The following WSCD2 variants were observed in gnomAD, a reference collection of about 807,000 sequenced individuals.
WSCD2 encodes WSC domain sialate O sulfotransferase 2.
Under a neutral mutation model 55.7 loss-of-function variants are expected in WSCD2, and 28 were observed. That is an observed-to-expected ratio of 0.50 (90% CI 0.37 to 0.69). The LOEUF is 0.69. Among genes scored for constraint, WSCD2 ranks in the 30% least tolerant of loss-of-function variants. The pLI, the probability that WSCD2 is intolerant of heterozygous loss-of-function variation, is 0.00. For synonymous variants in WSCD2, 301 were observed against 301.9 expected, an observed-to-expected ratio of 1.00 and a Z score of 0.03; for missense variants, 616 against 762.1, an observed-to-expected ratio of 0.81 and a Z score of 2.26.
intron 4 of WSCD2, among the ~76,000 whole-genome samples, chr12:108,223,630 T>C (rs1160335321): frequency 6.6e-6 from 1 of 152,224 alleles, no homozygotes; most frequent in South Asian, 2.1e-4. Flanking sequence ...CTGGATGCTA[T>C]AGGCACCCAC....
chr12:108,134,865 C>G (rs1210676779), intron 1 of WSCD2, among the ~76,000 whole-genome samples: 2 of 152,168 alleles, frequency 1.3e-5, no homozygotes, highest in Non-Finnish European at 2.9e-5. Flanking sequence ...AGATGAATGA[C>G]TTGCCCAGGT....
At chr12:108,186,429 C>G (rs1055426821) in intron 1 of WSCD2, among the ~76,000 whole-genome samples, 1 of 152,124 alleles carries the variant, frequency 6.6e-6, no homozygotes, top group Non-Finnish European at 1.5e-5. Flanking sequence ...TAGGTTTGGA[C>G]AAATGTATAA....
intron 1 of WSCD2, among the ~76,000 whole-genome samples, chr12:108,163,280 AAT>A (rs1468493953): frequency 6.6e-6 from 1 of 152,100 alleles, no homozygotes; most frequent in Admixed American, 6.6e-5. Flanking sequence ...GAGGCTGGAG[AAT>A]GGCATGAACC....
intron 3 of WSCD2, among the ~76,000 whole-genome samples, chr12:108,209,148 G>A (rs1885805471): frequency 6.6e-6 from 1 of 152,102 alleles, no homozygotes; most frequent in African/African-American, 2.4e-5. Flanking sequence ...GTCCTTTTTA[G>A]GAAAGGATTC....
intron 2 of WSCD2, among the ~76,000 whole-genome samples, chr12:108,197,695 G>C (rs539915623): frequency 3.3e-5 from 5 of 151,912 alleles, no homozygotes; most frequent in African/African-American, 4.8e-5. Flanking sequence ...CTACACCCCA[G>C]CCACTCCAAA....
At chr12:108,236,785 C>T (rs1263125020) in intron 7 of WSCD2, among the ~76,000 whole-genome samples, 2 of 152,104 alleles carry the variant, frequency 1.3e-5, no homozygotes, top group Non-Finnish European at 2.9e-5. Context: ...CCGACTTTGT[C>T]TCAGTCCCTC....
chr12:108,153,769 A>G (rs758201476), intron 1 of WSCD2, among the ~76,000 whole-genome samples: 16 of 152,166 alleles, frequency 1.1e-4, no homozygotes, highest in Admixed American at 2.0e-4. Flanking sequence ...CCAGCTTCCA[A>G]TATCCTGCCA....
chr12:108,141,688 T>C (rs1717454668), intron 1 of WSCD2, among the ~76,000 whole-genome samples: 1 of 152,216 alleles, frequency 6.6e-6, no homozygotes, highest in Non-Finnish European at 1.5e-5. Flanking sequence ...AATCCTCCAC[T>C]TAGTCACATC....
intron 1 of WSCD2, among the ~76,000 whole-genome samples, chr12:108,151,699 T>G (rs1878020835): frequency 6.6e-6 from 1 of 152,198 alleles, no homozygotes; most frequent in Non-Finnish European, 1.5e-5. Flanking sequence ...GCCATGAATA[T>G]TGATTAACCA....
rs1485789682 is a variant in WSCD2, at chr12:108,248,559, G to A, written c.*216G>A. 6 of 1,364,788 alleles carry A rather than the reference G, an allele frequency of 4.4e-6. No individual in the cohort carries two copies. Among genetic ancestry groups the A allele is most frequent in the East Asian group, 2.7e-5 (1 of 36,834 alleles). 84.5% of individuals were successfully genotyped at this position (1,364,788 alleles called of 1,614,324 possible). ...CACTCTGCTCACATGTTCCCCCCTT[G>A]GCAATGTGGGGCATCTTGTTTAGGG... On this transcript the variant is annotated 3_prime_UTR_variant, in exon 9 of 9. Transcript: ENST00000547525. The surrounding 1 kb of genome is among the most constrained non-coding windows in gnomAD (Gnocchi z 4.3).
intron 3 of WSCD2, among the ~76,000 whole-genome samples, 200 bp downstream of exon 3, chr12:108,206,603 G>T (rs1885409632): frequency 6.6e-6 from 1 of 152,236 alleles, no homozygotes; most frequent in Admixed American, 6.5e-5. Flanking sequence ...TCAAGAGTTG[G>T]TCTATGGGAG....
At chr12:108,134,377 GAT>G (rs986788684) in intron 1 of WSCD2, among the ~76,000 whole-genome samples, 6 of 152,220 alleles carry the variant, frequency 3.9e-5, no homozygotes, top group Non-Finnish European at 8.8e-5. Context: ...AAGTGGAAGA[GAT>G]AGTGTACCCA....
rs114262694 is a variant in WSCD2, at chr12:108,144,419, A to T, written c.-552+14493A>T. Among the ~76,000 whole-genome samples the T allele has an allele frequency of 5.1e-3, 774 of 152,286 alleles. 13 individuals are homozygous for T. Among genetic ancestry groups the T allele is most frequent in the African/African-American group, 0.017 (705 of 41,556 alleles). On this transcript the variant is annotated intron_variant, in intron 1 of 8. Coordinates refer to ENST00000547525, the MANE Select transcript of WSCD2 (RefSeq NM_014653.4). ...GCAGTTCATTTTGCTGCCTGAGCTTATTAATGTTCTCTCTGATTTCCTGCT... is the reference window on the plus strand; with the variant it reads ...GCAGTTCATTTTGCTGCCTGAGCTTTTTAATGTTCTCTCTGATTTCCTGCT...
At chr12:108,157,240 T>G (rs1878612851) in intron 1 of WSCD2, among the ~76,000 whole-genome samples, 1 of 152,224 alleles carries the variant, frequency 6.6e-6, no homozygotes, top group Non-Finnish European at 1.5e-5. Flanking sequence ...CATATACTCT[T>G]TCCGCTCTGT....
chr12:108,142,160 G>T (rs988338276), intron 1 of WSCD2, among the ~76,000 whole-genome samples: 4 of 152,134 alleles, frequency 2.6e-5, no homozygotes, highest in Non-Finnish European at 2.9e-5. Context: ...TTTATTAAAG[G>T]AGCTTTTCCT....
chr12:108,179,722 C>T (rs1034847737), intron 1 of WSCD2, among the ~76,000 whole-genome samples: 1 of 152,234 alleles, frequency 6.6e-6, no homozygotes, highest in African/African-American at 2.4e-5. Flanking sequence ...TGGAGCCACA[C>T]AGCCCTAGGT....
At chr12:108,176,157 A>T (rs1450610238) in intron 1 of WSCD2, among the ~76,000 whole-genome samples, 1 of 152,146 alleles carries the variant, frequency 6.6e-6, no homozygotes, top group Non-Finnish European at 1.5e-5. Context: ...TATTTTCTTT[A>T]ATGTTTTGTA....
At chr12:108,163,904 A>G (rs1055451338) in intron 1 of WSCD2, among the ~76,000 whole-genome samples, 3 of 152,164 alleles carry the variant, frequency 2.0e-5, no homozygotes, top group Admixed American at 6.5e-5. Context: ...GCCACAGGAA[A>G]CTAATATACT....
At chr12:108,134,102 C>T (rs1875911195) in intron 1 of WSCD2, among the ~76,000 whole-genome samples, 1 of 152,104 alleles carries the variant, frequency 6.6e-6, no homozygotes, top group Non-Finnish European at 1.5e-5. Flanking sequence ...TAGACTTTGC[C>T]CAAGAGCTGA....
Sources: allele counts gnomAD v4.1 joint callset (sites outside exome capture counted in the v4.1 genomes callset), GRCh38; gene constraint gnomAD v4.1.1; non-coding constraint Gnocchi (gnomAD v3.1); transcripts MANE v1.5; gene names NCBI Gene and HGNC (gene_info 2026-07-23, HGNC 2026-07-21).